ACOX3: variants seen among roughly 807,000 people sequenced by gnomAD.
ACOX3 encodes acyl-CoA oxidase 3, pristanoyl, also known as peroxisomal acyl-coenzyme A oxidase 3.
Under a neutral mutation model 81.5 loss-of-function variants are expected in ACOX3, and 73 were observed. The ratio of observed to expected loss-of-function variants is 0.90; its 90% CI spans 0.74 to 1.09. The LOEUF (loss-of-function observed/expected upper bound fraction) is 1.09, where lower values mean the gene tolerates loss of function less well. Among genes scored for constraint, ACOX3 ranks in the 50% least tolerant of loss-of-function variants. ACOX3 has a pLI of 0.00. For missense variants in ACOX3, 947 were observed against 928.0 expected, an observed-to-expected ratio of 1.02 and a Z score of -0.27; for synonymous variants, 387 against 375.1, an observed-to-expected ratio of 1.03 and a Z score of -0.37.
intron 5 of ACOX3, among the ~76,000 whole-genome samples, chr4:8,412,155 C>T (rs533917800): frequency 1.3e-5 from 2 of 152,344 alleles, no homozygotes; most frequent in South Asian, 4.1e-4. Flanking sequence ...GCCAGAAAGA[C>T]CTGGGTTCAG....
intron 11 of ACOX3, among the ~76,000 whole-genome samples, chr4:8,391,027 G>GTA (rs1432434912): frequency 7.4e-5 from 10 of 135,906 alleles, no homozygotes; most frequent in African/African-American, 2.7e-4. Context: ...ATATGTATAT[G>GTA]TATGTGTATA....
rs1722168341 is a variant in ACOX3 at position 8,415,032 on chromosome 4, G to A, written c.379-104C>T. The A allele has an allele frequency of 3.8e-6, 4 of 1,057,810 alleles. No individual in the cohort carries two copies. In the East Asian group the frequency reaches 9.8e-5, roughly 26 times the overall value. The allele number at this position is 1,057,810 out of a possible 1,614,324, so 65.5% of individuals were successfully genotyped here. On this transcript the variant is annotated intron_variant, in intron 3 of 17. Transcript: ENST00000356406. ...GGCACTCAACACCATGCCCACGCTG[G>A]TTCCCTGCCACACTGCACTTTCCCC...
Position 8,419,654 on chromosome 4 carries a change from C to T in ACOX3, c.-14-3119G>A, listed in dbSNP as rs1377107000. On this transcript the variant is annotated intron_variant, in intron 1 of 17. Transcript: ENST00000356406. The surrounding 1 kb of genome is among the most constrained non-coding windows in gnomAD (Gnocchi z 4.2). ...GTACGCAAGAGAACCGAAAACATCA[C>T]GTCCTCAATGTGTGCAAGGCTCCCC... Among the ~76,000 whole-genome samples the T allele has an allele frequency of 2.6e-5, 4 of 152,094 alleles. No homozygotes were observed. The highest frequency in any genetic ancestry group is 4.8e-5 in the African/African-American group (2 of 41,400).
intron 10 of ACOX3, chr4:8,393,195 A>G (rs932691073): frequency 6.6e-6 from 1 of 151,584 alleles, no homozygotes; most frequent in Non-Finnish European, 1.5e-5. Context: ...ATGAAAACTT[A>G]AGAGGCTGGG....
At chr4:8,373,779 G>A (rs1578856970) in intron 15 of ACOX3, 151 bp from the exon 16 acceptor site, 2 of 686,364 alleles carry the variant, frequency 2.9e-6, no homozygotes, top group South Asian at 1.7e-5. Flanking sequence ...CAGCCCAGAT[G>A]TGACCCAAGG....
rs1461380899 is a variant in ACOX3, at chr4:8,430,828, C to T, written c.-15+9820G>A. 8.5e-5 allele frequency among the ~76,000 whole-genome samples: 13 copies of T among 152,082 alleles called. No individual in the cohort carries two copies. The highest frequency in any genetic ancestry group is 8.5e-4 in the Admixed American group (13 of 15,266). ...CCAAGGTAGCACCATTGCACTCCAG[C>T]CTGGGTGACAAGAGTGAAACTCCAT... On this transcript the variant is annotated intron_variant, in intron 1 of 17. Transcript: ENST00000356406. This position sits in a 1 kb window ranked among gnomAD's most constrained non-coding sequence, Gnocchi z 5.2.
Position 8,415,416 on chromosome 4 carries a change from TA to T in ACOX3, c.378+349del, listed in dbSNP as rs1273458032. On this transcript the variant is annotated intron_variant, in intron 3 of 17. Transcript: ENST00000356406. ...CTTTGGCCTACTTTTTAAATTTTTT[TA>T]TTTTTTTTTTAATCATTTGTCTCTT... is the stretch of plus-strand genomic sequence containing the variant. 3.3e-5 allele frequency among the ~76,000 whole-genome samples: 5 copies of T among 151,478 alleles called. No homozygotes were observed. The East Asian group carries it at 9.7e-4, about 29-fold the overall frequency.
At chr4:8,410,803 T>C (rs1721636579) in intron 5 of ACOX3, among the ~76,000 whole-genome samples, 1 of 152,172 alleles carries the variant, frequency 6.6e-6, no homozygotes, top group African/African-American at 2.4e-5. Context: ...CCCCTTGCTG[T>C]CTCTCCCATC....
chr4:8,414,202 T>G lies in ACOX3; in HGVS notation c.543+90A>C. The G allele has an allele frequency of 9.7e-7, 1 of 1,032,128 alleles. No homozygotes were observed. The highest frequency in any genetic ancestry group is 1.5e-6 in the Non-Finnish European group (1 of 683,670). 63.9% of individuals were successfully genotyped at this position (1,032,128 alleles called of 1,614,324 possible). On this transcript the variant is annotated intron_variant, in intron 5 of 17. Coordinates refer to ENST00000356406, the MANE Select transcript of ACOX3 (RefSeq NM_003501.3). This position sits in a 1 kb window ranked among gnomAD's most constrained non-coding sequence, Gnocchi z 6.1. ...TGTGGACAGGCCTCTTGCTTTAATG[T>G]TTTTTTTTTCTTATTCTGGGCAACG...
In ACOX3 at chr4:8,399,539, G is replaced by GC. The variant is rs755998863; in HGVS notation, c.873+16dup. 36 of 1,599,720 alleles carry GC rather than the reference G, an allele frequency of 2.3e-5. No individual in the cohort carries two copies. The highest frequency in any genetic ancestry group is 8.0e-5 in the African/African-American group (6 of 74,576). ...ACCTGGGAAGCACGGCACACGAACG[G>GC]CCCCCCATGCCTGTACCTTAAAGGG... is the stretch of plus-strand genomic sequence containing the variant. On this transcript the variant is annotated intron_variant, in intron 8 of 17. Coordinates refer to ENST00000356406, the MANE Select transcript of ACOX3 (RefSeq NM_003501.3). The surrounding 1 kb of genome is among the most constrained non-coding windows in gnomAD (Gnocchi z 4.9).
In ACOX3 at chr4:8,366,987, T is replaced by C. The variant is rs751247458; in HGVS notation, c.2077A>G (p.Ile693Val). ...TAGAGCTTCGATTTCAGACTTCCTA[T>C]GACAGGTTTGTTCACAGAAAACTCT... Reference protein sequence around the residue: ...WPEFSVNKPVIGSLKSKL With the variant: ...WPEFSVNKPVVGSLKSKL The change falls in exon 18 of 18, where the codon ATA (isoleucine) becomes GTA (valine). Residue 693 changes from isoleucine (I) to valine (V), a missense_variant. By Grantham distance (29) the Ile-to-Val change is conservative (BLOSUM62 3). Transcript: ENST00000356406. 6.2e-7 allele frequency: 1 copy of C among 1,614,110 alleles called. No homozygotes were observed. The highest frequency in any genetic ancestry group is 2.2e-5 in the East Asian group (1 of 44,878).
chr4:8,393,775 G>T (rs1719346029), intron 10 of ACOX3, among the ~76,000 whole-genome samples: 1 of 152,054 alleles, frequency 6.6e-6, no homozygotes. Context: ...AATCAGCCTG[G>T]TCACCCTTTA....
At position 8,386,913 on chromosome 4, in the gene ACOX3, T is replaced by A. The variant is rs946124477; in HGVS notation, c.1537+2260A>T. 2.6e-5 allele frequency among the ~76,000 whole-genome samples: 4 copies of A among 152,220 alleles called. No homozygotes were observed. The highest frequency in any genetic ancestry group is 9.6e-5 in the African/African-American group (4 of 41,460). On this transcript the variant is annotated intron_variant, in intron 13 of 17. Transcript: ENST00000356406. The surrounding 1 kb of genome is among the most constrained non-coding windows in gnomAD (Gnocchi z 5.2). ...CACACGCTCGGGGGCTGCTATCACA[T>A]CCACGGCGTCGGTCCTGATGGCTGG...
chr4:8,413,751 C>G (rs1450392350), intron 5 of ACOX3, among the ~76,000 whole-genome samples: 3 of 152,238 alleles, frequency 2.0e-5, no homozygotes, highest in African/African-American at 7.2e-5. Context: ...TGTGGCCCGT[C>G]TCACTGCACC....
At chr4:8,380,358 T>A (rs1012010701) in intron 14 of ACOX3, among the ~76,000 whole-genome samples, 35 of 152,064 alleles carry the variant, frequency 2.3e-4, no homozygotes, top group African/African-American at 8.2e-4. Flanking sequence ...CCTGGCCAAT[T>A]TTTTGTATTT....
chr4:8,389,865 G>T lies in ACOX3; in HGVS notation c.1301-131C>A. ...CACACCTGTAATGGCAGCACTTTGG[G>T]GGGCCGAGGCGGGTGGATCACTTGA... On this transcript the variant is annotated intron_variant, in intron 11 of 17. Coordinates refer to ENST00000356406, the MANE Select transcript of ACOX3 (RefSeq NM_003501.3). The surrounding 1 kb of genome is among the most constrained non-coding windows in gnomAD (Gnocchi z 5.3). The T allele has an allele frequency of 8.0e-7, 1 of 1,250,160 alleles. No individual in the cohort carries two copies. The highest frequency in any genetic ancestry group is 1.1e-6 in the Non-Finnish European group (1 of 901,976). The allele number at this position is 1,250,160 out of a possible 1,614,324, so 77.4% of individuals were successfully genotyped here.
rs1218728076 is a variant in ACOX3, at chr4:8,394,489, G to A, written c.1179+131C>T. On this transcript the variant is annotated intron_variant, in intron 10 of 17. Coordinates refer to ENST00000356406, the MANE Select transcript of ACOX3 (RefSeq NM_003501.3). The surrounding 1 kb of genome is among the most constrained non-coding windows in gnomAD (Gnocchi z 5.9). The stretch of plus-strand genomic sequence containing the variant: ...GAGGCCAAGAGCTCCGAGTGGGTGG[G>A]AACAACTGGAGGAATGCTCTGTCCT... The A allele has an allele frequency of 2.9e-6, 4 of 1,390,092 alleles. No individual in the cohort carries two copies. The highest frequency in any genetic ancestry group is 4.7e-5 in the Admixed American group (2 of 42,884). 86.1% of individuals were successfully genotyped at this position (1,390,092 alleles called of 1,614,324 possible).
At position 8,437,813 on chromosome 4, in the gene ACOX3, G is replaced by A. The variant is rs1724343797; in HGVS notation, c.-15+2835C>T. 1.3e-5 allele frequency among the ~76,000 whole-genome samples: 2 copies of A among 152,248 alleles called. No homozygotes were observed. The highest frequency in any genetic ancestry group is 2.9e-5 in the Non-Finnish European group (2 of 68,036). ...TGGCCAAGGGCTGCCGCACCTTGGA[G>A]GAACCAAATACTGATCTGATCAGGC... On this transcript the variant is annotated intron_variant, in intron 1 of 17. Coordinates refer to ENST00000356406, the MANE Select transcript of ACOX3 (RefSeq NM_003501.3). The surrounding 1 kb of genome is among the most constrained non-coding windows in gnomAD (Gnocchi z 5.2).
At chr4:8,413,242 T>C (rs1402192248) in intron 5 of ACOX3, among the ~76,000 whole-genome samples, 1 of 100,478 alleles carries the variant, frequency 1.0e-5, no homozygotes, top group Non-Finnish European at 1.9e-5. Context: ...CTGTGGCCCA[T>C]CTCCCTCCAC....
Sources: allele counts gnomAD v4.1 joint callset (sites outside exome capture counted in the v4.1 genomes callset), GRCh38; gene constraint gnomAD v4.1.1; non-coding constraint Gnocchi (gnomAD v3.1); transcripts MANE v1.5; gene names NCBI Gene and HGNC (gene_info 2026-07-23, HGNC 2026-07-21).